NAIP: variants seen among roughly 807,000 people sequenced by gnomAD.
The protein encoded by NAIP is baculoviral IAP repeat-containing protein 1.
NAIP carries 15 observed loss-of-function variants against 23.0 expected under a neutral mutation model. The ratio of observed to expected loss-of-function variants is 0.65; its 90% confidence interval spans 0.44 to 1.00. NAIP has a LOEUF of 1.00. NAIP is among the 50% of genes least tolerant of loss of function. NAIP has a pLI of 0.00. For synonymous variants in NAIP, 100 were observed against 100.2 expected, an observed-to-expected ratio of 1.00 and a Z score of 0.01; for missense variants, 265 against 278.8, an observed-to-expected ratio of 0.95 and a Z score of 0.35.
In NAIP at chr5:71,012,616, A is replaced by G. The variant is rs1285748023; in HGVS notation, c.300T>C (p.Cys100=). The change falls in exon 4 of 17, where the codon TGT becomes TGC. Residue 100 remains cysteine, a synonymous_variant. Transcript: ENST00000517649. ...GGCCGGCACCAAAGAGGATTAGGCT[A>G]CAGCAGAAGCACTGAATCCCAGATT... is the stretch of plus-strand genomic sequence containing the variant. ...GVKSGIQCFC[C]SLILFGAGLT... 1 of 1,612,040 alleles carries G rather than the reference A, an allele frequency of 6.2e-7. No homozygotes were observed. Among genetic ancestry groups the G allele is most frequent in the East Asian group, 2.2e-5 (1 of 44,860 alleles).
intron 13 of NAIP, among the ~76,000 whole-genome samples, chr5:70,978,149 A>ATATT (rs1750376367): frequency 4.1e-5 from 1 of 24,300 alleles, no homozygotes; most frequent in East Asian, 2.7e-3. Context: ...ATATATATAT[A>ATATT]TTTTTTTTTT....
At chr5:71,008,733 G>A (rs1432625225) in intron 5 of NAIP, among the ~76,000 whole-genome samples, 1 of 84,240 alleles carries the variant, frequency 1.2e-5, no homozygotes, top group Non-Finnish European at 2.2e-5. Context: ...GAACCCAGGA[G>A]GCAGAGGTTG....
At chr5:71,015,405 C>T (rs993503251) in intron 3 of NAIP, among the ~76,000 whole-genome samples, 1 of 144,478 alleles carries the variant, frequency 6.9e-6, no homozygotes, top group Non-Finnish European at 1.5e-5. Flanking sequence ...ACATCCATTC[C>T]GATAATATAT....
rs536326177 is a variant in NAIP at position 71,011,736 on chromosome 5, G to A, written c.569-362C>T. 98 of 442,588 alleles carry A rather than the reference G, an allele frequency of 2.2e-4. 1 individual carries two copies. The highest frequency in any genetic ancestry group is 8.5e-4 in the Admixed American group (28 of 32,992). The allele number at this position is 442,588 out of a possible 1,614,324, so 27.4% of individuals were successfully genotyped here. On this transcript the variant is annotated intron_variant, in intron 4 of 16. Coordinates refer to ENST00000517649, the MANE Select transcript of NAIP (RefSeq NM_004536.3). The stretch of plus-strand genomic sequence containing the variant: ...CGTTTTAGCCTTGCCATGACATTTC[G>A]GTAGAAACATAGGCATGTTTCTTAA...
chr5:71,014,188 C>T (rs1751319425), intron 3 of NAIP, among the ~76,000 whole-genome samples: 1 of 150,714 alleles, frequency 6.6e-6, no homozygotes, highest in Non-Finnish European at 1.5e-5. Flanking sequence ...ACCTCCGCCT[C>T]CTGGGTTCAA....
chr5:71,009,459 G>A lies in NAIP; in HGVS notation c.668+1816C>T, dbSNP rs1439527640. Among the ~76,000 whole-genome samples the A allele has an allele frequency of 3.3e-5, 5 of 149,816 alleles. 1 individual carries two copies. Among genetic ancestry groups the A allele is most frequent in the Non-Finnish European group, 7.5e-5 (5 of 67,018 alleles). ...TAATCCTAGCACTTTGGGAATCCAA[G>A]GTGGGTGGATCACTTGAGGCCAGGA... On this transcript the variant is annotated intron_variant, in intron 5 of 16. Transcript: ENST00000517649.
chr5:71,012,221 A>T (rs1580934327), intron 4 of NAIP, 127 bp downstream of exon 4: 1 of 789,100 alleles, frequency 1.3e-6, no homozygotes, highest in East Asian at 2.7e-5. Context: ...AATAAACTAG[A>T]CCTTATACCT....
intron 3 of NAIP, among the ~76,000 whole-genome samples, chr5:71,013,390 G>A (rs1751262820): frequency 6.6e-6 from 1 of 151,238 alleles, no homozygotes; most frequent in African/African-American, 2.4e-5. Context: ...TGTAATCCCA[G>A]CACTTTGGGA....
chr5:71,009,362 C>CAAAA (rs555440243), intron 5 of NAIP, among the ~76,000 whole-genome samples: 1 of 99,616 alleles, frequency 1.0e-5, no homozygotes, highest in African/African-American at 5.0e-5. Flanking sequence ...AACTCACTCT[C>CAAAA]AAAAAAAAAA....
At position 71,012,822 on chromosome 5, in the gene NAIP, C is replaced by G; in HGVS notation, c.94G>C (p.Val32Leu). Reference protein sequence around the residue: ...ELSALLGLDAVQLAKELEEEE... With the variant: ...ELSALLGLDALQLAKELEEEE... ...TCTTCTAGTTCCTTTGCCAACTGAA[C>G]TGCATCTAGGCCCAGAAGAGCAGAC... The change falls in exon 4 of 17, where the codon GTT becomes CTT. Residue 32 changes from valine (V) to leucine (L), a missense_variant. By Grantham distance (32) the Val-to-Leu change is conservative (BLOSUM62 1). Coordinates refer to ENST00000517649, the MANE Select transcript of NAIP (RefSeq NM_004536.3). The G allele has an allele frequency of 6.2e-7, 1 of 1,612,000 alleles. No homozygotes were observed. The highest frequency in any genetic ancestry group is 8.5e-7 in the Non-Finnish European group (1 of 1,178,518).
At chr5:71,017,866 T>C (rs169607) in intron 3 of NAIP, among the ~76,000 whole-genome samples, 1 of 122,494 alleles carries the variant, frequency 8.2e-6, no homozygotes, top group Non-Finnish European at 1.8e-5. Context: ...TTTTTTTTTT[T>C]ATAGGAGACA....
chr5:71,017,042 G>T (rs1209294031), intron 3 of NAIP, among the ~76,000 whole-genome samples: 1 of 2,534 alleles, frequency 3.9e-4, no homozygotes, highest in Admixed American at 5.0e-3. Flanking sequence ...GGTGGGGGGG[G>T]TCTCACTATG....
Position 71,012,629 on chromosome 5 carries a change from T to G in NAIP, c.287A>C (p.Gln96Pro), listed in dbSNP as rs752439480. The change falls in exon 4 of 17, where the codon CAG (glutamine) becomes CCG (proline). Residue 96 changes from glutamine (Q) to proline (P), a missense_variant. Physicochemically the swap from Gln to Pro is moderately conservative, Grantham distance 76. Around this residue, in one of 2 missense-constraint regions of NAIP, gnomAD observed 261 missense variants for 259.2 expected, o/e 1.01. Coordinates refer to ENST00000517649, the MANE Select transcript of NAIP (RefSeq NM_004536.3). ...FYFTGVKSGI[Q>P]CFCCSLILFG... ...GAGGATTAGGCTACAGCAGAAGCAC[T>G]GAATCCCAGATTTTACCCCAGTGAA... The G allele has an allele frequency of 6.2e-7, 1 of 1,611,964 alleles. No homozygotes were observed. Among genetic ancestry groups the G allele is most frequent in the South Asian group, 1.1e-5 (1 of 90,982 alleles).
At position 71,011,345 on chromosome 5, in the gene NAIP, A is replaced by G. The variant is rs779200097; in HGVS notation, c.598T>C (p.Cys200Arg). Residue 200 changes from cysteine (C) to arginine (R), a missense_variant, in exon 5 of 17, where the codon TGT (cysteine) becomes CGT (arginine). By Grantham distance (180) the Cys-to-Arg change is radical. Transcript: ENST00000517649. ...GKQDTVQCFS[C>R]GGCLGNWEEG... ...TCCCAATTTCCTAAACATCCACCAC[A>G]GGAAAAACACTGTACCGTGTCCTGT... 2.6e-5 allele frequency: 42 copies of G among 1,606,274 alleles called. No individual in the cohort carries two copies. Among genetic ancestry groups the G allele is most frequent in the East Asian group, 2.2e-5 (1 of 44,656 alleles).
intron 3 of NAIP, among the ~76,000 whole-genome samples, chr5:71,015,598 T>A (rs1174527137): frequency 5.0e-4 from 46 of 91,630 alleles, no homozygotes; most frequent in Admixed American, 9.1e-4. Context: ...CCATCTCTAC[T>A]AAAAATACAA....
At chr5:71,015,342 C>G (rs937999336) in intron 3 of NAIP, among the ~76,000 whole-genome samples, 3 of 150,014 alleles carry the variant, frequency 2.0e-5, no homozygotes, top group African/African-American at 7.3e-5. Flanking sequence ...TTATGCCACT[C>G]ACTGTACATT....
chr5:71,011,407 G>T, intron 4 of NAIP, 33 bp from the exon 5 acceptor site: 1 of 1,511,352 alleles, frequency 6.6e-7, no homozygotes, highest in Non-Finnish European at 9.1e-7. Flanking sequence ...AGATTGCCTG[G>T]CAGTGGCACC....
chr5:71,010,607 A>G (rs2112920110), intron 5 of NAIP, among the ~76,000 whole-genome samples: 1 of 150,664 alleles, frequency 6.6e-6, no homozygotes, highest in South Asian at 2.1e-4. Context: ...TCTACATGCC[A>G]GGCTGGTCTC....
chr5:71,016,184 C>T (rs1295027152), intron 3 of NAIP, among the ~76,000 whole-genome samples: 5 of 150,084 alleles, frequency 3.3e-5, no homozygotes, highest in African/African-American at 7.3e-5. Flanking sequence ...GTCCTAACTA[C>T]GTGGGAGGCT....
Sources: gnomAD v4.1 joint callset for allele counts (sites outside exome capture counted in the v4.1 genomes callset) on GRCh38, gnomAD v4.1.1 for gene constraint, gnomAD v4.1.1 regional missense constraint, MANE v1.5 for transcripts, NCBI Gene and HGNC (gene_info 2026-07-23, HGNC 2026-07-21) for gene names.